The following UPF2 variants were observed in gnomAD, a reference collection of about 807,000 sequenced individuals.
The protein encoded by UPF2 is UPF2 regulator of nonsense mediated mRNA decay, also known as regulator of nonsense transcripts 2.
UPF2 carries 17 observed loss-of-function variants against 141.4 expected under a neutral mutation model. That is an observed-to-expected ratio of 0.12 (90% confidence interval 0.08 to 0.18). The LOEUF (loss-of-function observed/expected upper bound fraction) is 0.18, where lower values mean the gene tolerates loss of function less well. UPF2 is among the 10% of genes least tolerant of loss of function. The probability of loss-of-function intolerance (pLI) is 1.00; values close to 1 mark genes in which losing one functional copy is unlikely to be tolerated. For missense variants in UPF2, 1,152 were observed against 1,515.9 expected (o/e 0.76, Z 3.99); for synonymous variants, 540 against 498.0 (o/e 1.08, Z -1.12).
rs887411370 is a variant in UPF2 at position 11,967,454 on chromosome 10, C to T, written c.1954G>A (p.Val652Ile). The change falls in exon 10 of 22, where the codon GTA (valine) becomes ATA (isoleucine). Residue 652 changes from valine (V) to isoleucine (I), a missense_variant and splice_region_variant. By Grantham distance (29) the Val-to-Ile change is conservative. Around this residue, in one of 4 missense-constraint regions of UPF2, gnomAD observed 739 missense variants for 1,032.2 expected, o/e 0.72. Coordinates refer to ENST00000357604, the MANE Select transcript of UPF2 (RefSeq NM_015542.4). ...SMLRGDFRFH[V>I]RKKDQINIET... Reference sequence around the variant, plus strand: ...ATATTGATCTGGTCCTTTTTCCGTACCTAAAAATTAAGAGAGAAAAGATAA... The same window carrying T: ...ATATTGATCTGGTCCTTTTTCCGTATCTAAAAATTAAGAGAGAAAAGATAA... 6.5e-7 allele frequency: 1 copy of T among 1,536,230 alleles called. No individual in the cohort carries two copies.
At chr10:12,025,407 T>G (rs558843245) in intron 3 of UPF2, among the ~76,000 whole-genome samples, 1 of 152,010 alleles carries the variant, frequency 6.6e-6, no homozygotes, top group African/African-American at 2.4e-5. Flanking sequence ...AAAAATTAGC[T>G]GGGTGTAGCA....
intron 8 of UPF2, among the ~76,000 whole-genome samples, chr10:11,995,886 A>C (rs985318819): frequency 6.6e-6 from 1 of 152,100 alleles, no homozygotes; most frequent in African/African-American, 2.4e-5. Context: ...CTACATTCCC[A>C]ATCCCCACCC....
At chr10:11,993,118 C>T (rs991798180) in intron 8 of UPF2, among the ~76,000 whole-genome samples, 1 of 140,424 alleles carries the variant, frequency 7.1e-6, no homozygotes, top group African/African-American at 2.6e-5. Flanking sequence ...CCACTGCACT[C>T]CAGCTTGGGT....
chr10:12,041,079 C>T (rs1316833125), intron 1 of UPF2, among the ~76,000 whole-genome samples: 1 of 152,184 alleles, frequency 6.6e-6, no homozygotes, highest in Non-Finnish European at 1.5e-5. Context: ...AATATACAAA[C>T]ACCGTGATTC....
At chr10:11,945,972 C>A (rs1386326586) in intron 16 of UPF2, among the ~76,000 whole-genome samples, 1 of 151,814 alleles carries the variant, frequency 6.6e-6, no homozygotes, top group Non-Finnish European at 1.5e-5. Context: ...GAAAACAAAG[C>A]AATATAATGT....
intron 4 of UPF2, among the ~76,000 whole-genome samples, chr10:12,012,784 G>T (rs1295094193): frequency 6.9e-6 from 1 of 144,996 alleles, no homozygotes; most frequent in Non-Finnish European, 1.5e-5. Flanking sequence ...GGGCAACAGA[G>T]CAAGACTCCG....
intron 10 of UPF2, among the ~76,000 whole-genome samples, chr10:11,965,065 G>T (rs1262307556): frequency 1.3e-5 from 2 of 152,132 alleles, no homozygotes; most frequent in Admixed American, 6.5e-5. Flanking sequence ...AAAAAGTTTT[G>T]AATTTTGGAG....
At chr10:11,934,692 T>A (rs534245645) in intron 19 of UPF2, among the ~76,000 whole-genome samples, 3 of 152,256 alleles carry the variant, frequency 2.0e-5, no homozygotes, top group African/African-American at 7.2e-5. Context: ...TGGGTTCAAG[T>A]GATTCTCCTG....
chr10:11,946,744 A>AC (rs1243635480), intron 16 of UPF2, among the ~76,000 whole-genome samples: 1 of 151,878 alleles, frequency 6.6e-6, no homozygotes, highest in Non-Finnish European at 1.5e-5. Context: ...ATTTTGATCG[A>AC]CTTTTTTTTT....
rs1466773569 is a variant in UPF2, at chr10:12,019,809, C to T, written c.1146-5625G>A. On this transcript the variant is annotated intron_variant, in intron 3 of 21. Transcript: ENST00000357604. The surrounding 1 kb of genome is among the most constrained non-coding windows in gnomAD (Gnocchi z 4.5). Reference sequence around the variant, plus strand: ...TGCAATCTGAGCTCACTGCAACCTCCGCCTCCTAGGTTCAAGCAATTCTCC... The same window carrying T: ...TGCAATCTGAGCTCACTGCAACCTCTGCCTCCTAGGTTCAAGCAATTCTCC... 1.3e-5 allele frequency among the ~76,000 whole-genome samples: 2 copies of T among 151,998 alleles called. No individual in the cohort carries two copies. The highest frequency in any genetic ancestry group is 2.9e-5 in the Non-Finnish European group (2 of 67,994).
At chr10:11,967,004 C>T (rs1833332254) in intron 10 of UPF2, among the ~76,000 whole-genome samples, 3 of 152,126 alleles carry the variant, frequency 2.0e-5, no homozygotes, top group African/African-American at 4.8e-5. Context: ...CATATTTTCC[C>T]CATTTTTTTA....
chr10:11,963,046 G>C (rs934271842), intron 11 of UPF2, among the ~76,000 whole-genome samples: 2 of 151,746 alleles, frequency 1.3e-5, no homozygotes, highest in African/African-American at 4.8e-5. Flanking sequence ...TATAAACTAC[G>C]TAAGGGCAGA....
intron 16 of UPF2, among the ~76,000 whole-genome samples, chr10:11,945,680 T>C (rs1343640576): frequency 6.6e-6 from 1 of 152,194 alleles, no homozygotes; most frequent in Admixed American, 6.5e-5. Context: ...AAAGTTCATG[T>C]TTAAAAAGGA....
At chr10:12,025,738 T>G (rs925057107) in intron 3 of UPF2, among the ~76,000 whole-genome samples, 1 of 152,150 alleles carries the variant, frequency 6.6e-6, no homozygotes, top group Non-Finnish European at 1.5e-5. Context: ...ATCAATGACT[T>G]GAATAATAAA....
intron 8 of UPF2, among the ~76,000 whole-genome samples, chr10:11,984,392 TG>T (rs1232309767): frequency 8.5e-5 from 13 of 152,340 alleles, no homozygotes; most frequent in Non-Finnish European, 1.8e-4. Flanking sequence ...AACTTTTTAA[TG>T]TTCTTTTTCT....
chr10:11,925,116 C>A (rs1298576526), intron 21 of UPF2, among the ~76,000 whole-genome samples: 1 of 152,102 alleles, frequency 6.6e-6, no homozygotes, highest in African/African-American at 2.4e-5. Context: ...TCACAACCAG[C>A]CTTAAAATGT....
At position 11,979,223 on chromosome 10, in the gene UPF2, T is replaced by C; in HGVS notation, c.1845-58A>G. The C allele has an allele frequency of 7.4e-7, 1 of 1,358,260 alleles. No homozygotes were observed. 84.1% of individuals were successfully genotyped at this position (1,358,260 alleles called of 1,614,324 possible). ...AAAGACATATCAAAAATAATTCATT[T>C]TAAAATTTAAACTTTTCAGATGTAT... On this transcript the variant is annotated intron_variant, in intron 8 of 21. Transcript: ENST00000357604. The surrounding 1 kb of genome is among the most constrained non-coding windows in gnomAD (Gnocchi z 6.2).
In UPF2 at chr10:11,959,236, G is replaced by A. The variant is rs1402676415; in HGVS notation, c.2305C>T (p.Pro769Ser). Residue 769 changes from proline to serine, a missense_variant, in exon 12 of 22, where the codon CCT becomes TCT. Physicochemically the swap from Pro to Ser is moderately conservative, Grantham distance 74 (BLOSUM62 -1). Coordinates refer to ENST00000357604, the MANE Select transcript of UPF2 (RefSeq NM_015542.4). The surrounding 1 kb of genome is among the most constrained non-coding windows in gnomAD (Gnocchi z 5.9). ...PAEKTVKKKR[P>S]PLQEYVRKLL... ...TTCCGGACATATTCCTGGAGAGGAG[G>A]ACGTTTCTTTTTCACGGTTTTTTCA... 2.5e-6 allele frequency: 4 copies of A among 1,613,610 alleles called. No individual in the cohort carries two copies. The highest frequency in any genetic ancestry group is 3.4e-6 in the Non-Finnish European group (4 of 1,179,902).
chr10:11,930,634 G>A (rs1279221578), intron 20 of UPF2, among the ~76,000 whole-genome samples: 3 of 152,144 alleles, frequency 2.0e-5, no homozygotes, highest in Non-Finnish European at 4.4e-5. Flanking sequence ...AAATTAGCCA[G>A]GTATGGTGGC....
Sources: allele counts gnomAD v4.1 joint callset (sites outside exome capture counted in the v4.1 genomes callset), GRCh38; gene constraint gnomAD v4.1.1; regional missense constraint gnomAD v4.1.1; non-coding constraint Gnocchi (gnomAD v3.1); transcripts MANE v1.5; gene names NCBI Gene and HGNC (gene_info 2026-07-23, HGNC 2026-07-21).